The following SLC44A5 variants were observed in gnomAD, a reference collection of about 807,000 sequenced individuals.
SLC44A5 encodes the protein solute carrier family 44 member 5.
SLC44A5 carries 57 observed loss-of-function variants against 101.8 expected under a neutral mutation model. The ratio of observed to expected loss-of-function variants is 0.56; its 90% CI spans 0.45 to 0.70. The LOEUF is 0.70. Among genes scored for constraint, SLC44A5 ranks in the 30% least tolerant of loss-of-function variants. SLC44A5 has a pLI of 0.00. For missense variants in SLC44A5, 737 were observed against 853.1 expected (o/e 0.86, Z 1.70); for synonymous variants, 281 against 290.9 (o/e 0.97, Z 0.35).
the SLC44A5 span, among the ~76,000 whole-genome samples, chr1:75,634,872 A>C: frequency 6.6e-6 from 1 of 152,184 alleles, no homozygotes; most frequent in Non-Finnish European, 1.5e-5. Flanking sequence ...TGAACAGGCA[A>C]CCTACAAAGT....
the SLC44A5 span, among the ~76,000 whole-genome samples, chr1:75,669,891 C>A: frequency 6.6e-6 from 1 of 152,304 alleles, no homozygotes; most frequent in Non-Finnish European, 1.5e-5. Context: ...TCTGCCAACA[C>A]TTCAGTAAAT....
chr1:75,606,295 C>T (rs989615167), intron 1 of SLC44A5, among the ~76,000 whole-genome samples: 2 of 151,822 alleles, frequency 1.3e-5, no homozygotes, highest in African/African-American at 2.4e-5. Context: ...AAAGATAATA[C>T]ATTTAAAGAC....
chr1:75,672,097 T>C, the SLC44A5 span, among the ~76,000 whole-genome samples: 6 of 152,268 alleles, frequency 3.9e-5, no homozygotes, highest in African/African-American at 1.4e-4. Flanking sequence ...TGAGCAATCA[T>C]AGTGCCTGCT....
chr1:75,660,485 A>G, the SLC44A5 span, among the ~76,000 whole-genome samples: 2 of 152,074 alleles, frequency 1.3e-5, no homozygotes, highest in African/African-American at 2.4e-5. Context: ...GCAATTAGAC[A>G]AAAGAAAAGA....
chr1:75,569,851 A>G (rs533129038), intron 1 of SLC44A5, among the ~76,000 whole-genome samples: 16 of 152,318 alleles, frequency 1.1e-4, no homozygotes, highest in Admixed American at 5.9e-4. Flanking sequence ...ATTCTATACC[A>G]CAAGCAATTT....
chr1:75,525,251 GTGA>G (rs1188671234), intron 2 of SLC44A5, among the ~76,000 whole-genome samples: 3 of 152,128 alleles, frequency 2.0e-5, no homozygotes, highest in Non-Finnish European at 2.9e-5. Context: ...AAGAGATTTG[GTGA>G]TGACCATACC....
At chr1:75,211,438 AG>A (rs1310360545) in intron 23 of SLC44A5, 29 bp downstream of exon 23, 5 of 1,552,766 alleles carry the variant, frequency 3.2e-6, no homozygotes, top group Non-Finnish European at 3.6e-6. Flanking sequence ...TATCCACCGA[AG>A]GGGGAAAACA....
At chr1:75,521,202 A>G (rs1307056870) in intron 2 of SLC44A5, among the ~76,000 whole-genome samples, 2 of 152,236 alleles carry the variant, frequency 1.3e-5, no homozygotes, top group East Asian at 3.8e-4. Context: ...ATTGAAGTTG[A>G]GGGAAGTCAA....
At chr1:75,488,175 T>G (rs556144910) in intron 2 of SLC44A5, among the ~76,000 whole-genome samples, 1 of 152,222 alleles carries the variant, frequency 6.6e-6, no homozygotes, top group African/African-American at 2.4e-5. Context: ...CATTATATGT[T>G]ACAATGTAAA....
chr1:75,307,205 T>A (rs1654980232), intron 4 of SLC44A5, among the ~76,000 whole-genome samples: 1 of 152,228 alleles, frequency 6.6e-6, no homozygotes, highest in African/African-American at 2.4e-5. Flanking sequence ...CTGCCTGTGA[T>A]TCCAGTCGGA....
At chr1:75,553,861 C>T (rs1244353300) in intron 1 of SLC44A5, among the ~76,000 whole-genome samples, 1 of 151,812 alleles carries the variant, frequency 6.6e-6, no homozygotes, top group Non-Finnish European at 1.5e-5. Context: ...TGCTTCACTA[C>T]CAGTAAGGAA....
chr1:75,211,396 G>A (rs1646849621), intron 23 of SLC44A5, 72 bp downstream of exon 23: 3 of 1,200,494 alleles, frequency 2.5e-6, no homozygotes, highest in Non-Finnish European at 3.7e-6. Flanking sequence ...AGCCAGCTAA[G>A]GACATGGGCC....
intron 1 of SLC44A5, among the ~76,000 whole-genome samples, chr1:75,547,871 A>C (rs1412911211): frequency 2.6e-5 from 4 of 152,130 alleles, no homozygotes; most frequent in African/African-American, 9.7e-5. Context: ...CTTAGTCTTA[A>C]AAAATCTGTA....
the SLC44A5 span, among the ~76,000 whole-genome samples, chr1:75,705,004 T>C: frequency 6.6e-6 from 1 of 152,222 alleles, no homozygotes; most frequent in African/African-American, 2.4e-5. Flanking sequence ...AACATGATAA[T>C]CATCTGGTTT....
intron 4 of SLC44A5, among the ~76,000 whole-genome samples, chr1:75,310,385 C>T (rs1655206168): frequency 6.6e-6 from 1 of 152,194 alleles, no homozygotes; most frequent in African/African-American, 2.4e-5. Context: ...ACTCAAGACA[C>T]CTGAATCTCT....
intron 2 of SLC44A5, among the ~76,000 whole-genome samples, chr1:75,407,019 T>C (rs932883313): frequency 2.6e-5 from 4 of 152,130 alleles, no homozygotes; most frequent in African/African-American, 4.8e-5. Context: ...AGTCTCAGGA[T>C]ACAAAATCAA....
At chr1:75,618,545 A>T in the SLC44A5 span, among the ~76,000 whole-genome samples, 1 of 152,250 alleles carries the variant, frequency 6.6e-6, no homozygotes, top group Non-Finnish European at 1.5e-5. Flanking sequence ...GCTTAACAAC[A>T]GAAATACATT....
At chr1:75,267,726 T>TTTTTTA (rs1213463890) in intron 6 of SLC44A5, among the ~76,000 whole-genome samples, 1 of 152,086 alleles carries the variant, frequency 6.6e-6, no homozygotes, top group East Asian at 1.9e-4. Flanking sequence ...TTTTTAAAAT[T>TTTTTTA]TTTTTATTTT....
chr1:75,574,288 A>G (rs1673247418), intron 1 of SLC44A5, among the ~76,000 whole-genome samples: 1 of 152,176 alleles, frequency 6.6e-6, no homozygotes, highest in Non-Finnish European at 1.5e-5. Flanking sequence ...GTGGACAGAG[A>G]GTCCACATTG....
Sources: allele counts gnomAD v4.1 joint callset (sites outside exome capture counted in the v4.1 genomes callset), GRCh38; gene constraint gnomAD v4.1.1; transcripts MANE v1.5; gene names NCBI Gene and HGNC (gene_info 2026-07-23, HGNC 2026-07-21).